GABRB1: variants seen among roughly 807,000 people sequenced by gnomAD.
The protein encoded by GABRB1 is gamma-aminobutyric acid receptor subunit beta-1.
GABRB1 carries 17 observed loss-of-function variants against 51.6 expected under a neutral mutation model. The ratio of observed to expected loss-of-function variants is 0.33; its 90% CI spans 0.23 to 0.49. GABRB1 has a LOEUF of 0.49. Ranked by LOEUF, GABRB1 falls within the 20% of genes least tolerant of loss-of-function variation. The pLI is 0.99. For synonymous variants in GABRB1, 247 were observed against 218.9 expected (o/e 1.13, Z -1.14); for missense variants, 410 against 600.6 (o/e 0.68, Z 3.32).
At chr4:47,167,978 C>T (rs1718267179) in intron 4 of GABRB1, among the ~76,000 whole-genome samples, 1 of 152,132 alleles carries the variant, frequency 6.6e-6, no homozygotes, top group African/African-American at 2.4e-5. Flanking sequence ...AGTGAAAAGC[C>T]TTCCATTCCA....
rs1437696753 is a variant in GABRB1, at chr4:47,165,682, G to C, written c.461+4213G>C. 2.6e-5 allele frequency among the ~76,000 whole-genome samples: 4 copies of C among 152,196 alleles called. No individual in the cohort carries two copies. The East Asian group carries it at 5.8e-4, about 22-fold the overall frequency. On this transcript the variant is annotated intron_variant, in intron 4 of 8. Transcript: ENST00000295454. ...GTAAGGATTCTTCACGATTTGATCAGTTTATTGAGTTTAACAGCTTTAAAT... is the reference window on the plus strand; with the variant it reads ...GTAAGGATTCTTCACGATTTGATCACTTTATTGAGTTTAACAGCTTTAAAT...
At chr4:47,325,237 C>T (rs1218799285) in intron 5 of GABRB1, among the ~76,000 whole-genome samples, 1 of 152,132 alleles carries the variant, frequency 6.6e-6, no homozygotes, top group Non-Finnish European at 1.5e-5. Context: ...GAGTTCAAGA[C>T]CAGCCTGGCC....
intron 4 of GABRB1, among the ~76,000 whole-genome samples, chr4:47,258,645 C>T (rs1722309064): frequency 6.6e-6 from 1 of 152,092 alleles, no homozygotes; most frequent in South Asian, 2.1e-4. Flanking sequence ...AAAAGAATGA[C>T]AATGTATTAG....
At chr4:47,065,801 T>C (rs564033171) in intron 3 of GABRB1, among the ~76,000 whole-genome samples, 5 of 152,326 alleles carry the variant, frequency 3.3e-5, no homozygotes, top group African/African-American at 1.2e-4. Flanking sequence ...AATGAAGCCA[T>C]TGATAAACAT....
chr4:47,060,584 C>T, intron 3 of GABRB1, among the ~76,000 whole-genome samples: 1 of 152,078 alleles, frequency 6.6e-6, no homozygotes, highest in East Asian at 1.9e-4. Context: ...ACTAGGAAAT[C>T]AACTCTTATG....
chr4:47,068,202 T>G (rs1040201212), intron 3 of GABRB1, among the ~76,000 whole-genome samples: 3 of 152,244 alleles, frequency 2.0e-5, no homozygotes, highest in Non-Finnish European at 4.4e-5. Flanking sequence ...GGTCTTGCTC[T>G]GGATTAGGTT....
intron 4 of GABRB1, among the ~76,000 whole-genome samples, chr4:47,268,287 T>C (rs1393164788): frequency 2.0e-5 from 3 of 152,324 alleles, no homozygotes; most frequent in East Asian, 1.9e-4. Context: ...TTTAATTGAA[T>C]TGTTAGACAC....
At chr4:47,394,825 G>A (rs1728126756) in intron 5 of GABRB1, among the ~76,000 whole-genome samples, 2 of 151,702 alleles carry the variant, frequency 1.3e-5, no homozygotes, top group African/African-American at 4.8e-5. Context: ...TATCTCATGG[G>A]CATGGTGAAT....
intron 5 of GABRB1, among the ~76,000 whole-genome samples, chr4:47,397,258 C>G (rs1327717673): frequency 6.6e-6 from 1 of 152,008 alleles, no homozygotes; most frequent in African/African-American, 2.4e-5. Context: ...TAAGCATGGT[C>G]ATATTTTCTA....
intron 5 of GABRB1, among the ~76,000 whole-genome samples, chr4:47,387,732 A>G (rs1727849678): frequency 6.6e-6 from 1 of 152,180 alleles, no homozygotes; most frequent in Non-Finnish European, 1.5e-5. Context: ...TCCACATGGG[A>G]CCAGAAAAAT....
At chr4:47,017,152 C>T (rs1724775675) in intron 1 of GABRB1, among the ~76,000 whole-genome samples, 1 of 152,174 alleles carries the variant, frequency 6.6e-6, no homozygotes, top group Non-Finnish European at 1.5e-5. Flanking sequence ...CAATTTACTA[C>T]ATGTGCGGCC....
Position 47,161,243 on chromosome 4 carries a change from TCACAGG to T in GABRB1, c.241-5_241del. On this transcript the variant is annotated splice_acceptor_variant and splice_polypyrimidine_tract_variant and coding_sequence_variant and intron_variant, in exon 4 of 9. Transcript: ENST00000295454. LOFTEE classifies it high-confidence loss of function. ...TTTTTTTTTTTTTGCTTTCTTTATT[TCACAGG>T]ATTATACACTCACCATGTATTTCCA... is the stretch of plus-strand genomic sequence containing the variant. 1.9e-6 allele frequency: 3 copies of T among 1,559,278 alleles called. No homozygotes were observed. Among genetic ancestry groups the T allele is most frequent in the Non-Finnish European group, 2.6e-6 (3 of 1,149,470 alleles).
At chr4:47,131,791 T>C (rs1716428639) in intron 3 of GABRB1, among the ~76,000 whole-genome samples, 1 of 152,180 alleles carries the variant, frequency 6.6e-6, no homozygotes, top group Non-Finnish European at 1.5e-5. Context: ...AACATTTAGA[T>C]TAGGATGATG....
chr4:47,084,148 A>G (rs1016378483), intron 3 of GABRB1, among the ~76,000 whole-genome samples: 13 of 152,210 alleles, frequency 8.5e-5, no homozygotes, highest in African/African-American at 3.1e-4. Context: ...AATTAAATTG[A>G]AAGTCTCAAG....
chr4:47,394,581 C>T (rs1299331039), intron 5 of GABRB1, among the ~76,000 whole-genome samples: 5 of 152,132 alleles, frequency 3.3e-5, no homozygotes, highest in Admixed American at 1.3e-4. Flanking sequence ...GACAAGAAGA[C>T]AGCTTTAAAT....
chr4:47,032,086 AG>A (rs67779259), intron 2 of GABRB1, 81 bp downstream of exon 2: 129,404 of 614,360 alleles, frequency 0.21, 8,003 homozygotes, highest in African/African-American at 0.32. Context: ...AAAAAAAAAA[AG>A]AAAAGGCATG....
At chr4:47,025,572 C>G (rs1412667638) in intron 1 of GABRB1, among the ~76,000 whole-genome samples, 1 of 151,656 alleles carries the variant, frequency 6.6e-6, no homozygotes. Flanking sequence ...ATTCTCAGTC[C>G]AGGTTTTTCT....
In GABRB1 at chr4:47,146,852, G is replaced by T. The variant is rs148044565; in HGVS notation, c.241-14397G>T. ...TAAAGGCAATATTTTTAGAAAAATT[G>T]TTAAATAATGTAAAACTTAGAATGT... On this transcript the variant is annotated intron_variant, in intron 3 of 8. Transcript: ENST00000295454. 1.6e-3 allele frequency among the ~76,000 whole-genome samples: 245 copies of T among 152,078 alleles called. 4 individuals are homozygous for T. In the East Asian group the frequency reaches 0.044, roughly 27 times the overall value.
At chr4:47,269,366 G>C (rs1216229990) in intron 4 of GABRB1, among the ~76,000 whole-genome samples, 2 of 152,122 alleles carry the variant, frequency 1.3e-5, no homozygotes, top group Non-Finnish European at 2.9e-5. Flanking sequence ...GTGCAGAACA[G>C]ACATTGGGAC....
Sources: gnomAD v4.1 joint callset for allele counts (sites outside exome capture counted in the v4.1 genomes callset) on GRCh38, gnomAD v4.1.1 for gene constraint, MANE v1.5 for transcripts, NCBI Gene and HGNC (gene_info 2026-07-23, HGNC 2026-07-21) for gene names.